Variants in WNT7A observed in about 807,000 individuals in gnomAD.
The protein encoded by WNT7A is protein Wnt-7a.
WNT7A carries 16 observed loss-of-function variants against 28.2 expected under a neutral mutation model. The ratio of observed to expected loss-of-function variants is 0.57; its 90% CI spans 0.38 to 0.86. The LOEUF is 0.86. WNT7A is among the 40% of genes least tolerant of loss of function. WNT7A has a pLI of 0.00. For missense variants in WNT7A, 411 were observed against 489.7 expected (o/e 0.84, Z 1.52); for synonymous variants, 190 against 195.9 (o/e 0.97, Z 0.25).
chr3:13,842,714 G>A (rs377303138), intron 3 of WNT7A, among the ~76,000 whole-genome samples: 1 of 152,218 alleles, frequency 6.6e-6, no homozygotes, highest in East Asian at 1.9e-4. Flanking sequence ...ACCAGGGGAT[G>A]GAGACAAAGG....
At chr3:13,848,060 A>C (rs1264831375) in intron 3 of WNT7A, among the ~76,000 whole-genome samples, 1 of 139,478 alleles carries the variant, frequency 7.2e-6, no homozygotes, top group Non-Finnish European at 1.5e-5. Context: ...TAAATTAATG[A>C]ATTTTTTAAA....
intron 3 of WNT7A, among the ~76,000 whole-genome samples, chr3:13,844,993 T>G (rs1559299768): frequency 6.6e-6 from 1 of 152,122 alleles, no homozygotes; most frequent in Non-Finnish European, 1.5e-5. Context: ...TTGTCCCCGG[T>G]GTGCGTCTTT....
At chr3:13,830,210 A>C (rs1559295952) in intron 3 of WNT7A, among the ~76,000 whole-genome samples, 1 of 152,174 alleles carries the variant, frequency 6.6e-6, no homozygotes, top group Non-Finnish European at 1.5e-5. Flanking sequence ...CCAGCTGATC[A>C]CATGGTAAAG....
chr3:13,830,709 C>T (rs1374768522), intron 3 of WNT7A, among the ~76,000 whole-genome samples: 7 of 152,174 alleles, frequency 4.6e-5, no homozygotes, highest in African/African-American at 1.7e-4. Context: ...TGCCAGGAGG[C>T]CCCTTTTCCC....
intron 2 of WNT7A, among the ~76,000 whole-genome samples, chr3:13,868,789 GAA>G (rs1559307237): frequency 1.5e-4 from 3 of 19,694 alleles, no homozygotes; most frequent in South Asian, 3.0e-3. Flanking sequence ...AGGAAGGAAG[GAA>G]GGGAGAGAGA....
chr3:13,855,909 A>C (rs1433353), intron 2 of WNT7A, among the ~76,000 whole-genome samples: 10 of 151,922 alleles, frequency 6.6e-5, no homozygotes, highest in Non-Finnish European at 1.2e-4. Context: ...CTTAAGCAGC[A>C]AGTGAGGAGG....
chr3:13,875,271 C>G, intron 1 of WNT7A, 98 bp from the exon 2 acceptor site: 1 of 1,277,842 alleles, frequency 7.8e-7, no homozygotes, highest in Non-Finnish European at 1.1e-6. Context: ...CCCCACTGCC[C>G]CCAGCAGTGG....
chr3:13,830,671 G>C (rs1194324465), intron 3 of WNT7A, among the ~76,000 whole-genome samples: 1 of 152,144 alleles, frequency 6.6e-6, no homozygotes, highest in East Asian at 1.9e-4. Flanking sequence ...GGCTGTGACT[G>C]TCTCCCTCTG....
chr3:13,877,226 G>T (rs1381581172), intron 1 of WNT7A: 1 of 152,264 alleles, frequency 6.6e-6, no homozygotes, highest in African/African-American at 2.4e-5. Flanking sequence ...TTTCCACACA[G>T]CCCTGTGGGG....
chr3:13,838,503 C>A (rs1388150989), intron 3 of WNT7A, among the ~76,000 whole-genome samples: 5 of 152,234 alleles, frequency 3.3e-5, no homozygotes, highest in African/African-American at 1.2e-4. Flanking sequence ...CCTCTCTGAG[C>A]CTGGTCCTTC....
chr3:13,852,512 G>A (rs1041785237), intron 3 of WNT7A, among the ~76,000 whole-genome samples: 4 of 152,178 alleles, frequency 2.6e-5, no homozygotes, highest in East Asian at 1.9e-4. Context: ...GGCACCGGTC[G>A]GAACAAGGAG....
intron 2 of WNT7A, among the ~76,000 whole-genome samples, chr3:13,866,309 C>T (rs1250287707): frequency 6.6e-6 from 1 of 151,994 alleles, no homozygotes; most frequent in Non-Finnish European, 1.5e-5. Flanking sequence ...TGGGGCACTT[C>T]CTGTGTGCCA....
In WNT7A at chr3:13,879,952, C is replaced by T. The variant is rs1184487431; in HGVS notation, c.-136G>A. The stretch of plus-strand genomic sequence containing the variant: ...GGGGCCGTCTGTCGGTGCGCCCGTC[C>T]GCGCGCTCCGCGCCTGAGCCTCGCC... On this transcript the variant is annotated 5_prime_UTR_variant, in exon 1 of 4. Transcript: ENST00000285018. 3.5e-6 allele frequency: 2 copies of T among 569,032 alleles called. No individual in the cohort carries two copies. Among genetic ancestry groups the T allele is most frequent in the Middle Eastern group, 5.4e-4 (1 of 1,850 alleles). The allele number at this position is 569,032 out of a possible 1,614,324, so 35.2% of individuals were successfully genotyped here. A position where few individuals can be genotyped will look rare whatever the true frequency, so the allele number is the denominator to read the frequency against.
chr3:13,833,371 GCA>G (rs148818382), intron 3 of WNT7A, among the ~76,000 whole-genome samples: 1 of 151,858 alleles, frequency 6.6e-6, no homozygotes, highest in Non-Finnish European at 1.5e-5. Context: ...GCACACAAGC[GCA>G]CACACACACA....
intron 3 of WNT7A, among the ~76,000 whole-genome samples, chr3:13,831,037 C>T (rs191665997): frequency 1.3e-5 from 2 of 152,268 alleles, no homozygotes; most frequent in Admixed American, 1.3e-4. Flanking sequence ...ATAATCACTA[C>T]TGTGATTATG....
At chr3:13,853,668 A>G (rs1464243288) in intron 3 of WNT7A, among the ~76,000 whole-genome samples, 1 of 152,218 alleles carries the variant, frequency 6.6e-6, no homozygotes, top group Admixed American at 6.5e-5. Flanking sequence ...TGGCAGTATG[A>G]CAGAGCAACA....
chr3:13,872,514 C>T (rs1383020111), intron 2 of WNT7A, among the ~76,000 whole-genome samples: 1 of 152,164 alleles, frequency 6.6e-6, no homozygotes, highest in East Asian at 1.9e-4. Flanking sequence ...GGCTCCAGCT[C>T]CTATTTCCTT....
chr3:13,848,658 C>G (rs1011874730), intron 3 of WNT7A, among the ~76,000 whole-genome samples: 1 of 152,220 alleles, frequency 6.6e-6, no homozygotes, highest in Admixed American at 6.5e-5. Context: ...CACACCCACT[C>G]TCCCACAAAA....
chr3:13,873,038 C>A (rs2124878234), intron 2 of WNT7A, among the ~76,000 whole-genome samples: 1 of 152,092 alleles, frequency 6.6e-6, no homozygotes, highest in East Asian at 1.9e-4. Context: ...TGTGTGTTAT[C>A]TGAGTAGAAG....
Sources: gnomAD v4.1 joint callset for allele counts (sites outside exome capture counted in the v4.1 genomes callset) on GRCh38, gnomAD v4.1.1 for gene constraint, MANE v1.5 for transcripts, NCBI Gene and HGNC (gene_info 2026-07-23, HGNC 2026-07-21) for gene names.